ZNF385B: variants seen among roughly 807,000 people sequenced by gnomAD.
ZNF385B encodes zinc finger protein 385B.
In ZNF385B, 23 loss-of-function variants were observed where a neutral mutation model predicts 39.2. The observed-to-expected ratio is 0.59, with a 90% CI of 0.42 to 0.83. ZNF385B has a LOEUF of 0.83. ZNF385B is among the 40% of genes least tolerant of loss of function. ZNF385B has a pLI of 0.00. For synonymous variants in ZNF385B, 205 were observed against 222.6 expected (o/e 0.92, Z 0.70); for missense variants, 552 against 598.9 (o/e 0.92, Z 0.82).
chr2:179,540,402 T>C, intron 4 of ZNF385B, among the ~76,000 whole-genome samples: 1 of 152,078 alleles, frequency 6.6e-6, no homozygotes, highest in East Asian at 1.9e-4. Context: ...GCCGAGATCC[T>C]GCCATTGCAC....
chr2:179,662,657 C>G (rs962305697), intron 3 of ZNF385B, among the ~76,000 whole-genome samples: 1 of 152,106 alleles, frequency 6.6e-6, no homozygotes, highest in African/African-American at 2.4e-5. Flanking sequence ...TTAATTCTTC[C>G]TTAATCAGGT....
chr2:179,617,948 G>C (rs1489251009), intron 3 of ZNF385B, among the ~76,000 whole-genome samples: 1 of 152,128 alleles, frequency 6.6e-6, no homozygotes, highest in African/African-American at 2.4e-5. Context: ...TATGCTAGGA[G>C]CCTTCTAATC....
intron 3 of ZNF385B, among the ~76,000 whole-genome samples, chr2:179,621,716 C>T (rs1558992270): frequency 1.3e-5 from 2 of 152,202 alleles, no homozygotes; most frequent in East Asian, 1.9e-4. Context: ...TGGAATTCTG[C>T]TCCTCAGTCG....
chr2:179,496,517 C>A (rs988761443), intron 5 of ZNF385B, among the ~76,000 whole-genome samples: 1 of 151,998 alleles, frequency 6.6e-6, no homozygotes, highest in South Asian at 2.1e-4. Context: ...GTAGATTTAA[C>A]CCAAAAAGAC....
intron 1 of ZNF385B, among the ~76,000 whole-genome samples, chr2:179,800,109 T>A (rs1196607222): frequency 6.6e-6 from 1 of 152,086 alleles, no homozygotes; most frequent in Non-Finnish European, 1.5e-5. Context: ...AGAAAATACA[T>A]CTTCAGATAA....
chr2:179,721,180 T>A (rs896366494), intron 3 of ZNF385B, among the ~76,000 whole-genome samples: 1 of 151,938 alleles, frequency 6.6e-6, no homozygotes, highest in African/African-American at 2.4e-5. Flanking sequence ...AATACACAAA[T>A]CAACAATGTT....
intron 3 of ZNF385B, among the ~76,000 whole-genome samples, chr2:179,705,951 T>C (rs560174436): frequency 2.4e-4 from 36 of 152,330 alleles, no homozygotes; most frequent in African/African-American, 8.4e-4. Flanking sequence ...CCCTTTCTCC[T>C]TATCTATTGA....
At chr2:179,859,360 T>G (rs896651077) in intron 1 of ZNF385B, among the ~76,000 whole-genome samples, 2 of 152,172 alleles carry the variant, frequency 1.3e-5, no homozygotes, top group African/African-American at 4.8e-5. Flanking sequence ...ATATCAACAT[T>G]TTTTTCAATA....
intron 3 of ZNF385B, among the ~76,000 whole-genome samples, chr2:179,589,538 G>A (rs1687377290): frequency 6.6e-6 from 1 of 152,170 alleles, no homozygotes; most frequent in African/African-American, 2.4e-5. Flanking sequence ...CTTACCTGTT[G>A]CGCAGAGAAG....
chr2:179,824,850 G>C (rs553344849), intron 1 of ZNF385B, among the ~76,000 whole-genome samples: 6 of 151,436 alleles, frequency 4.0e-5, no homozygotes, highest in Non-Finnish European at 8.8e-5. Context: ...CCTGGTTTAT[G>C]CTTTGCTCTT....
chr2:179,521,700 T>A (rs1391406473), intron 4 of ZNF385B, among the ~76,000 whole-genome samples: 1 of 152,174 alleles, frequency 6.6e-6, no homozygotes, highest in African/African-American at 2.4e-5. Flanking sequence ...GAAACTCTCC[T>A]CAGAATTGGC....
At chr2:179,775,572 G>A (rs1210713004) in intron 1 of ZNF385B, among the ~76,000 whole-genome samples, 2 of 152,168 alleles carry the variant, frequency 1.3e-5, no homozygotes, top group Non-Finnish European at 2.9e-5. Context: ...GGGTGCTCTG[G>A]TCTAGTGTGA....
intron 1 of ZNF385B, among the ~76,000 whole-genome samples, chr2:179,829,455 T>C (rs912902588): frequency 2.0e-5 from 3 of 152,136 alleles, no homozygotes; most frequent in African/African-American, 7.2e-5. Flanking sequence ...CACAAAACTA[T>C]AAAACTTCTA....
chr2:179,493,666 T>TAC (rs1491323564), intron 5 of ZNF385B, among the ~76,000 whole-genome samples: 4 of 110,194 alleles, frequency 3.6e-5, no homozygotes, highest in African/African-American at 6.3e-5. Flanking sequence ...TATATGTATA[T>TAC]GCATATGCAT....
chr2:179,742,306 C>T (rs1480537857), intron 3 of ZNF385B, among the ~76,000 whole-genome samples: 2 of 152,040 alleles, frequency 1.3e-5, no homozygotes. Context: ...AATGTGCAGC[C>T]TCCATTTTGG....
At chr2:179,732,949 A>G (rs1487468337) in intron 3 of ZNF385B, among the ~76,000 whole-genome samples, 5 of 152,194 alleles carry the variant, frequency 3.3e-5, no homozygotes, top group Non-Finnish European at 7.3e-5. Context: ...AGCTACCTTG[A>G]AAATTTTCAT....
intron 3 of ZNF385B, among the ~76,000 whole-genome samples, chr2:179,721,396 A>C (rs1700691110): frequency 6.6e-6 from 1 of 152,172 alleles, no homozygotes; most frequent in Admixed American, 6.5e-5. Flanking sequence ...GAGTTTTTCT[A>C]ATCTTTTAAG....
At chr2:179,817,513 A>T (rs1454627595) in intron 1 of ZNF385B, among the ~76,000 whole-genome samples, 2 of 152,222 alleles carry the variant, frequency 1.3e-5, no homozygotes. Context: ...AATCACATGA[A>T]ATAATTGGTC....
At chr2:179,855,999 C>T (rs1326820332) in intron 1 of ZNF385B, among the ~76,000 whole-genome samples, 2 of 152,140 alleles carry the variant, frequency 1.3e-5, no homozygotes, top group Non-Finnish European at 2.9e-5. Context: ...ACTACACTGC[C>T]TTTACAGACC....
Sources: allele counts gnomAD v4.1 joint callset (sites outside exome capture counted in the v4.1 genomes callset), GRCh38; gene constraint gnomAD v4.1.1; transcripts MANE v1.5; gene names NCBI Gene and HGNC (gene_info 2026-07-23, HGNC 2026-07-21).